The following NDP variants were observed in gnomAD, a reference collection of about 807,000 sequenced individuals.
NDP encodes norrin.
NDP carries 2 observed loss-of-function variants against 8.4 expected under a neutral mutation model. The ratio of observed to expected loss-of-function variants is 0.24; its 90% CI spans 0.10 to 0.75. The LOEUF is 0.75. Ranked by LOEUF, NDP falls within the 30% of genes least tolerant of loss-of-function variation. NDP has a pLI of 0.73. For missense variants in NDP, 81 were observed against 110.1 expected (o/e 0.74, Z 1.18); for synonymous variants, 55 against 45.6 (o/e 1.21, Z -0.83).
intron 1 of NDP, among the ~76,000 whole-genome samples, chrX:43,962,028 T>C (rs2035829192): frequency 8.9e-6 from 1 of 112,237 alleles, no homozygotes; most frequent in Admixed American, 9.5e-5. Flanking sequence ...TCTTTAGAGA[T>C]GGTGAGCTGA....
chrX:43,951,835 A>G lies in NDP; in HGVS notation c.175-1809T>C, dbSNP rs150799989. ...AGGGAAGAATAAGTTGGACTAGACC[A>G]GTGAATTTATTTTCTCTGAATGATC... On this transcript the variant is annotated intron_variant, in intron 2 of 2. Coordinates refer to ENST00000642620, the MANE Select transcript of NDP (RefSeq NM_000266.4). Among the ~76,000 whole-genome samples the G allele has an allele frequency of 1.7e-4, 19 of 112,275 alleles. No homozygotes were observed. In the East Asian group the frequency reaches 4.2e-3, roughly 25 times the overall value.
intron 1 of NDP, among the ~76,000 whole-genome samples, chrX:43,963,129 A>G (rs1305315733): frequency 2.7e-5 from 3 of 112,170 alleles, no homozygotes; most frequent in Non-Finnish European, 5.6e-5. Context: ...ATTTCCCCCT[A>G]GGCTGTTTTC....
intron 1 of NDP, among the ~76,000 whole-genome samples, chrX:43,968,836 C>T (rs2035873543): frequency 8.9e-6 from 1 of 112,108 alleles, no homozygotes; most frequent in South Asian, 3.7e-4. Context: ...CCCTTTCTTC[C>T]TTTCTTTTTT....
At chrX:43,959,845 G>A (rs188266719) in intron 1 of NDP, among the ~76,000 whole-genome samples, 310 of 112,188 alleles carry the variant, frequency 2.8e-3, no homozygotes, top group African/African-American at 9.6e-3. Flanking sequence ...GATAATTAAA[G>A]CTTCGGGAAA....
intron 1 of NDP, among the ~76,000 whole-genome samples, chrX:43,968,794 G>A (rs2035873295): frequency 8.9e-6 from 1 of 112,401 alleles, no homozygotes; most frequent in South Asian, 3.7e-4. Context: ...AAGTGGTAGT[G>A]GAGGGGAATT....
intron 1 of NDP, among the ~76,000 whole-genome samples, chrX:43,963,106 C>G (rs910663142): frequency 8.9e-6 from 1 of 112,214 alleles, no homozygotes; most frequent in Non-Finnish European, 1.9e-5. Context: ...GAGGGTGGTG[C>G]TTCAGTATCC....
intron 1 of NDP, chrX:43,960,995 G>C (rs778603439): frequency 1.8e-5 from 2 of 112,349 alleles, no homozygotes; most frequent in South Asian, 3.7e-4. Context: ...TGTATGCATC[G>C]TTGTATTTAT....
At chrX:43,969,113 C>T (rs1268756152) in intron 1 of NDP, among the ~76,000 whole-genome samples, 5 of 111,650 alleles carry the variant, frequency 4.5e-5, no homozygotes, top group Non-Finnish European at 9.4e-5. Flanking sequence ...CACTTCCTTC[C>T]ATTTGCAACT....
intron 1 of NDP, among the ~76,000 whole-genome samples, chrX:43,963,830 C>T (rs1427964450): frequency 8.9e-6 from 1 of 112,536 alleles, no homozygotes; most frequent in Non-Finnish European, 1.9e-5. Context: ...TTTTATAAAG[C>T]ATCCTGTGCG....
At chrX:43,954,403 C>A (rs181889582) in intron 2 of NDP, 1 of 110,623 alleles carries the variant, frequency 9.0e-6, no homozygotes, top group Non-Finnish European at 1.9e-5. Context: ...ATGAATCAAA[C>A]AGATACAAAC....
intron 1 of NDP, among the ~76,000 whole-genome samples, chrX:43,968,815 T>C (rs1268943911): frequency 8.9e-6 from 1 of 112,491 alleles, no homozygotes; most frequent in Admixed American, 9.4e-5. Context: ...GGTTCTTTCT[T>C]CTCTTTCTTT....
At chrX:43,972,896 A>G (rs1001655531) in intron 1 of NDP, among the ~76,000 whole-genome samples, 2 of 112,833 alleles carry the variant, frequency 1.8e-5, no homozygotes, top group African/African-American at 6.4e-5. Flanking sequence ...GCCTGCGTTA[A>G]TAGTGCCCCC....
chrX:43,954,673 TGGGTAGCAGTAGAAGATGGCTTGGG>T (rs2035782332), intron 2 of NDP: 1 of 111,137 alleles, frequency 9.0e-6, no homozygotes, highest in Admixed American at 9.6e-5. Context: ...ATGAGCTTGG[TGGGTAGCAGTAGAAGATGGCTTGGG>T]GGTCCTGTTA....
At chrX:43,950,155 T>A in intron 2 of NDP, 129 bp from the exon 3 acceptor site, 1 of 571,867 alleles carries the variant, frequency 1.7e-6, no homozygotes, top group Non-Finnish European at 2.9e-6. Flanking sequence ...GCTCAATGCA[T>A]GTTGCATTTT....
intron 1 of NDP, among the ~76,000 whole-genome samples, chrX:43,969,904 C>G (rs375496438): frequency 9.0e-6 from 1 of 111,652 alleles, no homozygotes; most frequent in African/African-American, 3.3e-5. Flanking sequence ...CCAGGACTGG[C>G]GGGAGGAGGT....
intron 1 of NDP, among the ~76,000 whole-genome samples, chrX:43,962,446 C>T (rs140281739): frequency 0.014 from 1,582 of 111,038 alleles, 12 homozygotes; most frequent in Middle Eastern, 0.041. Context: ...GGAGGAAGAC[C>T]TCACAAAGAG....
At chrX:43,960,459 T>C (rs776888542) in intron 1 of NDP, among the ~76,000 whole-genome samples, 5 of 112,575 alleles carry the variant, frequency 4.4e-5, no homozygotes, top group African/African-American at 6.5e-5. Flanking sequence ...TGCACCACTT[T>C]ATGTTCATGC....
At chrX:43,956,152 A>T (rs2035791778) in intron 2 of NDP, among the ~76,000 whole-genome samples, 1 of 111,913 alleles carries the variant, frequency 8.9e-6, no homozygotes, top group African/African-American at 3.2e-5. Context: ...CAATGATTAT[A>T]ATATACAATA....
chrX:43,956,874 A>T (rs2035796058), intron 2 of NDP, among the ~76,000 whole-genome samples: 2 of 111,619 alleles, frequency 1.8e-5, no homozygotes, highest in African/African-American at 6.5e-5. Flanking sequence ...TTCACATGTG[A>T]ATTTCTTCGG....
Sources: allele counts gnomAD v4.1 joint callset (sites outside exome capture counted in the v4.1 genomes callset), GRCh38; gene constraint gnomAD v4.1.1; transcripts MANE v1.5; gene names NCBI Gene and HGNC (gene_info 2026-07-23, HGNC 2026-07-21).